LUZP2: variants seen among roughly 807,000 people sequenced by gnomAD.
LUZP2 encodes leucine zipper protein 2.
In LUZP2, 52 loss-of-function variants were observed where a neutral mutation model predicts 51.6. The ratio of observed to expected loss-of-function variants is 1.01; its 90% confidence interval spans 0.81 to 1.27. LUZP2 has a LOEUF of 1.27. Ranked by LOEUF, LUZP2 falls within the 50% of genes most tolerant of loss-of-function variation. The pLI is 0.00. For missense variants in LUZP2, 436 were observed against 395.4 expected, an observed-to-expected ratio of 1.10 and a Z score of -0.87; for synonymous variants, 154 against 137.3, an observed-to-expected ratio of 1.12 and a Z score of -0.85.
intron 9 of LUZP2, among the ~76,000 whole-genome samples, chr11:25,015,897 C>CTTTT (rs553027081): frequency 0.012 from 1,557 of 134,054 alleles, 38 homozygotes; most frequent in African/African-American, 0.037. Context: ...GTGTGAATTT[C>CTTTT]TTTTTTTTTT....
intron 7 of LUZP2, among the ~76,000 whole-genome samples, chr11:24,967,553 C>T (rs1414425011): frequency 1.3e-5 from 2 of 151,586 alleles, no homozygotes; most frequent in African/African-American, 4.8e-5. Context: ...ATTTTTGAGG[C>T]CCTGTTCATG....
intron 1 of LUZP2, among the ~76,000 whole-genome samples, chr11:24,501,963 A>G (rs1850007516): frequency 6.6e-6 from 1 of 152,178 alleles, no homozygotes; most frequent in Non-Finnish European, 1.5e-5. Flanking sequence ...ATCAACCTCA[A>G]TATCCTGCCA....
intron 5 of LUZP2, among the ~76,000 whole-genome samples, chr11:24,850,542 AG>A (rs150708422): frequency 0.2 from 30,361 of 151,996 alleles, 3,148 homozygotes; most frequent in African/African-American, 0.24. Flanking sequence ...TACACTTAGA[AG>A]TCAGGTAGTG....
chr11:24,501,038 C>T (rs1182912306), intron 1 of LUZP2, among the ~76,000 whole-genome samples: 1 of 152,146 alleles, frequency 6.6e-6, no homozygotes, highest in Non-Finnish European at 1.5e-5. Flanking sequence ...AGCAGTCTCA[C>T]CTTAACTCTC....
intron 4 of LUZP2, among the ~76,000 whole-genome samples, chr11:24,760,474 T>C (rs1427428379): frequency 6.6e-6 from 1 of 152,114 alleles, no homozygotes; most frequent in Non-Finnish European, 1.5e-5. Context: ...GACTAGTGTT[T>C]TGGGGTTACT....
intron 1 of LUZP2, among the ~76,000 whole-genome samples, chr11:24,636,996 G>A (rs1546475): frequency 0.19 from 29,141 of 151,244 alleles, 3,158 homozygotes; most frequent in Middle Eastern, 0.27. Context: ...GTGTTAAGGT[G>A]ATAAAATAGA....
chr11:24,986,313 A>T (rs1179365506), intron 9 of LUZP2, among the ~76,000 whole-genome samples: 1 of 151,652 alleles, frequency 6.6e-6, no homozygotes, highest in African/African-American at 2.4e-5. Flanking sequence ...TAAATACCAA[A>T]GCTACTATAT....
At position 24,526,457 on chromosome 11, in the gene LUZP2, C is replaced by CTT. The variant is rs3077900; in HGVS notation, c.62+29165_62+29166dup. 6.6e-3 allele frequency among the ~76,000 whole-genome samples: 973 copies of CTT among 147,580 alleles called. 13 individuals carry two copies. The highest frequency in any genetic ancestry group is 0.023 in the African/African-American group (929 of 40,442). Reference sequence around the variant, plus strand: ...TACAATTTTAATCCTACTCTCTACTCTTTTTTTTTTTTTTATAATGCAGTG... The same window carrying CTT: ...TACAATTTTAATCCTACTCTCTACTCTTTTTTTTTTTTTTTTATAATGCAGTG... On this transcript the variant is annotated intron_variant, in intron 1 of 11. Transcript: ENST00000336930.
intron 9 of LUZP2, among the ~76,000 whole-genome samples, chr11:25,048,113 C>A (rs74962637): frequency 0.021 from 3,214 of 152,216 alleles, 57 homozygotes; most frequent in South Asian, 0.083. Flanking sequence ...ACCCAGCCCC[C>A]CTTTGGCTGC....
intron 10 of LUZP2, among the ~76,000 whole-genome samples, chr11:25,068,205 A>G (rs1161443105): frequency 6.6e-6 from 1 of 152,024 alleles, no homozygotes; most frequent in Non-Finnish European, 1.5e-5. Context: ...TAGGAGAAAT[A>G]CTTAATGTAG....
intron 1 of LUZP2, among the ~76,000 whole-genome samples, chr11:24,569,325 G>A (rs529917467): frequency 2.5e-4 from 38 of 152,006 alleles, no homozygotes; most frequent in African/African-American, 7.9e-4. Flanking sequence ...AATAAAAATG[G>A]TATATTAAAT....
At chr11:24,546,782 C>T (rs970254458) in intron 1 of LUZP2, among the ~76,000 whole-genome samples, 7 of 152,114 alleles carry the variant, frequency 4.6e-5, no homozygotes, top group African/African-American at 2.4e-5. Context: ...TGATGCTGGC[C>T]TCATAGGATG....
intron 5 of LUZP2, among the ~76,000 whole-genome samples, chr11:24,844,884 A>G (rs538351013): frequency 2.6e-5 from 4 of 152,258 alleles, no homozygotes; most frequent in Admixed American, 1.3e-4. Flanking sequence ...CTCTGTCTAC[A>G]TTTCAGATGT....
intron 4 of LUZP2, among the ~76,000 whole-genome samples, chr11:24,742,137 A>G (rs1425952250): frequency 1.4e-5 from 2 of 147,364 alleles, no homozygotes; most frequent in African/African-American, 5.1e-5. Context: ...CAATTTTGCA[A>G]TTGCGAATTG....
chr11:25,014,888 A>G (rs1306631481), intron 9 of LUZP2, among the ~76,000 whole-genome samples: 2 of 152,106 alleles, frequency 1.3e-5, no homozygotes, highest in East Asian at 1.9e-4. Flanking sequence ...TTTTAAGTCT[A>G]ACATTTAAGT....
intron 1 of LUZP2, among the ~76,000 whole-genome samples, chr11:24,694,346 C>T (rs556647424): frequency 6.6e-6 from 1 of 152,150 alleles, no homozygotes; most frequent in South Asian, 2.1e-4. Context: ...CTCCTTTGGC[C>T]TTTGCTTAAA....
At chr11:25,075,463 G>A (rs1859272998) in intron 10 of LUZP2, among the ~76,000 whole-genome samples, 1 of 152,098 alleles carries the variant, frequency 6.6e-6, no homozygotes, top group Admixed American at 6.6e-5. Flanking sequence ...TACTTATTTA[G>A]AGATTATATA....
At chr11:24,966,315 G>A (rs1477886561) in intron 7 of LUZP2, among the ~76,000 whole-genome samples, 4 of 151,216 alleles carry the variant, frequency 2.6e-5, no homozygotes, top group Non-Finnish European at 5.9e-5. Flanking sequence ...TTTTGGATTC[G>A]AGTCCTTTCA....
chr11:24,969,759 G>A (rs1249585947), intron 7 of LUZP2, among the ~76,000 whole-genome samples: 1 of 152,162 alleles, frequency 6.6e-6, no homozygotes, highest in East Asian at 1.9e-4. Flanking sequence ...TTGCAACTGA[G>A]CATTGAGATC....
Sources: gnomAD v4.1 joint callset for allele counts (sites outside exome capture counted in the v4.1 genomes callset) on GRCh38, gnomAD v4.1.1 for gene constraint, MANE v1.5 for transcripts, NCBI Gene and HGNC (gene_info 2026-07-23, HGNC 2026-07-21) for gene names.